The following RGS6 variants were observed in gnomAD, a reference collection of about 807,000 sequenced individuals.
RGS6 encodes the protein regulator of G-protein signaling 6.
In RGS6, 30 loss-of-function variants were observed where a neutral mutation model predicts 78.5. The observed-to-expected ratio is 0.38, with a 90% CI of 0.29 to 0.52. The LOEUF is 0.52. RGS6 is among the 20% of genes least tolerant of loss of function. The pLI, the probability that RGS6 is intolerant of heterozygous loss-of-function variation, is 0.85. For missense variants in RGS6, 495 were observed against 609.7 expected (o/e 0.81, Z 1.98); for synonymous variants, 206 against 206.0 (o/e 1.00, Z 0.00).
the RGS6 span, among the ~76,000 whole-genome samples, chr14:72,621,651 G>C: frequency 1.3e-5 from 2 of 152,186 alleles, no homozygotes; most frequent in Non-Finnish European, 2.9e-5. Context: ...ATACCCAGTG[G>C]GGGAGAGGTT....
At chr14:72,568,634 C>T (rs982592478), downstream of RGS6, among the ~76,000 whole-genome samples, 2 of 152,196 alleles carry the variant, frequency 1.3e-5, no homozygotes, top group Admixed American at 6.5e-5. Context: ...AGTGGCGGGC[C>T]GGAGGCGCCC....
At chr14:72,556,679 G>A (rs899761750) in intron 17 of RGS6, among the ~76,000 whole-genome samples, 1 of 145,696 alleles carries the variant, frequency 6.9e-6, no homozygotes, top group African/African-American at 2.6e-5. Context: ...AGAAGGTAGG[G>A]GTCGGGGGGG....
the RGS6 span, among the ~76,000 whole-genome samples, chr14:71,891,532 C>T: frequency 1.6e-3 from 247 of 152,298 alleles, 1 homozygote; most frequent in Middle Eastern, 0.024. Flanking sequence ...GAACAAACAT[C>T]CTAACAAAAC....
rs142429462 is a variant in RGS6, at chr14:72,456,521, C to T, written c.236-1750C>T. Among the ~76,000 whole-genome samples, 667 of 152,298 alleles carry T rather than the reference C, an allele frequency of 4.4e-3. 5 individuals carry two copies. Among genetic ancestry groups the T allele is most frequent in the African/African-American group, 0.015 (629 of 41,560 alleles). The stretch of plus-strand genomic sequence containing the variant: ...TGTTATCCAGGCTGGTCTTGAACTC[C>T]TGACCTCAAACAATTCTTCTGCTTT... On this transcript the variant is annotated intron_variant, in intron 4 of 17. Transcript: ENST00000553525.
chr14:71,940,502 T>A (rs2090348592), intron 1 of RGS6, among the ~76,000 whole-genome samples: 1 of 152,232 alleles, frequency 6.6e-6, no homozygotes, highest in Non-Finnish European at 1.5e-5. Flanking sequence ...AGGCTTCCTA[T>A]CAATTTCACT....
intron 2 of RGS6, among the ~76,000 whole-genome samples, chr14:72,048,671 G>A (rs1324220274): frequency 1.3e-5 from 2 of 151,896 alleles, no homozygotes; most frequent in Admixed American, 6.6e-5. Flanking sequence ...TTGTTACAGC[G>A]ACACTTTCTT....
At chr14:72,211,728 C>A (rs1351645611) in intron 2 of RGS6, among the ~76,000 whole-genome samples, 1 of 152,124 alleles carries the variant, frequency 6.6e-6, no homozygotes. Flanking sequence ...CTGCAAAATA[C>A]CCTATTTTTA....
At chr14:72,439,086 C>T (rs898264863) in intron 3 of RGS6, among the ~76,000 whole-genome samples, 3 of 152,226 alleles carry the variant, frequency 2.0e-5, no homozygotes, top group Non-Finnish European at 4.4e-5. Flanking sequence ...ATTGCACTCC[C>T]CTCCCCAATC....
At chr14:72,174,303 G>A (rs1488498839) in intron 2 of RGS6, among the ~76,000 whole-genome samples, 1 of 152,118 alleles carries the variant, frequency 6.6e-6, no homozygotes, top group African/African-American at 2.4e-5. Context: ...TCTCCATGTT[G>A]GTCAGGCTGG....
the RGS6 span, among the ~76,000 whole-genome samples, chr14:71,876,453 G>A: frequency 7.9e-6 from 1 of 126,088 alleles, no homozygotes; most frequent in African/African-American, 3.0e-5. Flanking sequence ...TTTTATCAGA[G>A]ACTAGGTTTG....
At chr14:72,476,673 C>G in intron 10 of RGS6, 69 bp from the exon 11 acceptor site, 1 of 1,248,066 alleles carries the variant, frequency 8.0e-7, no homozygotes. Flanking sequence ...AGTCATTGGA[C>G]TAGCTGACCC....
At chr14:72,141,778 A>G (rs574259520) in intron 2 of RGS6, among the ~76,000 whole-genome samples, 1 of 152,156 alleles carries the variant, frequency 6.6e-6, no homozygotes, top group African/African-American at 2.4e-5. Context: ...ACATCTCTGT[A>G]TATTCCCTCT....
chr14:72,034,019 T>G (rs2091313379), intron 2 of RGS6, among the ~76,000 whole-genome samples: 1 of 152,216 alleles, frequency 6.6e-6, no homozygotes, highest in Non-Finnish European at 1.5e-5. Context: ...ATGTTGAATA[T>G]ATTTTCATGA....
chr14:72,427,471 G>A (rs1034955455), intron 3 of RGS6, among the ~76,000 whole-genome samples: 1 of 152,178 alleles, frequency 6.6e-6, no homozygotes, highest in Non-Finnish European at 1.5e-5. Context: ...CCTAACTGAT[G>A]TTGCATTGAG....
At chr14:72,382,355 T>C (rs1013801298) in intron 3 of RGS6, among the ~76,000 whole-genome samples, 1 of 152,186 alleles carries the variant, frequency 6.6e-6, no homozygotes, top group African/African-American at 2.4e-5. Flanking sequence ...TCAATGTCAT[T>C]AATAATCATG....
At chr14:72,533,693 A>G (rs1004952909) in intron 15 of RGS6, among the ~76,000 whole-genome samples, 13 of 152,236 alleles carry the variant, frequency 8.5e-5, no homozygotes, top group African/African-American at 2.9e-4. Flanking sequence ...CTCATGGATG[A>G]CTTTGAGAAG....
chr14:72,456,403 C>T (rs1214031898), intron 4 of RGS6, among the ~76,000 whole-genome samples: 1 of 152,248 alleles, frequency 6.6e-6, no homozygotes, highest in Non-Finnish European at 1.5e-5. Context: ...CCATCTTCCA[C>T]CTCAGTCTCC....
At chr14:72,210,871 T>A (rs1249815691) in intron 2 of RGS6, among the ~76,000 whole-genome samples, 3 of 152,154 alleles carry the variant, frequency 2.0e-5, no homozygotes, top group Non-Finnish European at 4.4e-5. Flanking sequence ...TTCCAAATGG[T>A]ACTCTGTAAT....
chr14:72,163,556 C>G (rs896678474), intron 2 of RGS6, among the ~76,000 whole-genome samples: 4 of 152,290 alleles, frequency 2.6e-5, no homozygotes, highest in African/African-American at 9.6e-5. Context: ...GGGGGAAAAC[C>G]CAGACAAGAG....
Sources: gnomAD v4.1 joint callset for allele counts (sites outside exome capture counted in the v4.1 genomes callset) on GRCh38, gnomAD v4.1.1 for gene constraint, MANE v1.5 for transcripts, NCBI Gene and HGNC (gene_info 2026-07-23, HGNC 2026-07-21) for gene names.